ZNF185: variants seen among roughly 807,000 people sequenced by gnomAD.
The protein encoded by ZNF185 is zinc finger protein 185 with LIM domain, also known as zinc finger protein 185.
Under a neutral mutation model 58.6 loss-of-function variants are expected in ZNF185, and 56 were observed. The observed-to-expected ratio is 0.95, with a 90% CI of 0.77 to 1.19. The LOEUF is 1.19. Ranked by LOEUF, ZNF185 falls within the 50% of genes most tolerant of loss-of-function variation. The pLI, the probability that ZNF185 is intolerant of heterozygous loss-of-function variation, is 0.00. For synonymous variants in ZNF185, 230 were observed against 215.9 expected (o/e 1.07, Z -0.57); for missense variants, 627 against 573.5 (o/e 1.09, Z -0.95).
chrX:152,922,460 C>T (rs782368435), intron 10 of ZNF185, among the ~76,000 whole-genome samples: 50 of 111,694 alleles, frequency 4.5e-4, no homozygotes, highest in African/African-American at 1.6e-3. Context: ...ACAGTCCAGC[C>T]CCCCGGGAGA....
chrX:152,906,386 C>A, the ZNF185 span, among the ~76,000 whole-genome samples: 1 of 113,330 alleles, frequency 8.8e-6, no homozygotes, highest in Admixed American at 9.2e-5. Context: ...CATTAAAGCT[C>A]CTTGTCCCAG....
chrX:152,938,133 C>G, exon 15 of ZNF185: 1 of 1,185,598 alleles, frequency 8.4e-7, no homozygotes, highest in Non-Finnish European at 1.1e-6. Flanking sequence ...AGCACAGCAG[C>G]CCAGGAGGAT....
chrX:152,915,970 C>T (rs1216941619), intron 3 of ZNF185, among the ~76,000 whole-genome samples: 2 of 112,057 alleles, frequency 1.8e-5, no homozygotes, highest in African/African-American at 3.2e-5. Flanking sequence ...TTAGTAACTA[C>T]GGTCTCTCTG....
At chrX:152,910,729 G>C (rs191448014), upstream of ZNF185, among the ~76,000 whole-genome samples, 31 of 112,200 alleles carry the variant, frequency 2.8e-4, no homozygotes, top group Non-Finnish European at 2.4e-4. Context: ...GGAATTACTG[G>C]ACCAGCAGGC....
chrX:152,958,568 C>A, intron 16 of ZNF185, among the ~76,000 whole-genome samples: 1 of 110,272 alleles, frequency 9.1e-6, no homozygotes, highest in Non-Finnish European at 1.9e-5. Flanking sequence ...CCAGCCTGGC[C>A]AACAAGGTGA....
chrX:152,939,833 G>T (rs1260281481), intron 15 of ZNF185, among the ~76,000 whole-genome samples: 1 of 103,133 alleles, frequency 9.7e-6, no homozygotes, highest in Admixed American at 1.0e-4. Flanking sequence ...CCCCAGCTGG[G>T]GTGCAGTGGC....
chrX:152,941,726 G>A, intron 15 of ZNF185: 1 of 1,164,533 alleles, frequency 8.6e-7, no homozygotes, highest in Non-Finnish European at 1.1e-6. Context: ...CCCGGGACGA[G>A]CTCGGCCTCG....
At chrX:152,917,511 C>T (rs1422163873) in intron 5 of ZNF185, 149 bp downstream of exon 6, 5 of 700,506 alleles carry the variant, frequency 7.1e-6, no homozygotes, top group Non-Finnish European at 1.1e-5. Flanking sequence ...CCCTGGAGAG[C>T]AGGGTGGGGT....
chrX:152,938,515 A>G (rs1556884891), intron 15 of ZNF185, among the ~76,000 whole-genome samples: 1 of 111,620 alleles, frequency 9.0e-6, no homozygotes, highest in African/African-American at 3.3e-5. Flanking sequence ...GCTGGTCCAG[A>G]TTAGAGCAAT....
At chrX:152,922,761 T>A in exon 11 of ZNF185, 1 of 1,201,490 alleles carries the variant, frequency 8.3e-7, no homozygotes, top group Non-Finnish European at 1.1e-6. Flanking sequence ...GCAATTTGGA[T>A]CGAGTGCCTG....
At chrX:152,941,628 G>A in intron 15 of ZNF185, 4 of 1,142,396 alleles carry the variant, frequency 3.5e-6, no homozygotes, top group Non-Finnish European at 4.7e-6. Context: ...TAGTGAGTAC[G>A]CCTGCGTAGG....
Position 152,922,748 on chromosome X carries a change from CG to C in ZNF185, c.772del (p.Ala258GlnfsTer32), listed in dbSNP as rs782617912. 25 of 1,199,722 alleles carry C rather than the reference CG, an allele frequency of 2.1e-5. No homozygotes were observed. The highest frequency in any genetic ancestry group is 2.8e-5 in the Non-Finnish European group (25 of 890,050). ...GGATGGAGGCAGGACCAAAGCGTCTCGGGCAATTTGGATCGAGTGCCTGCCA... is the reference window on the plus strand; with the variant it reads ...GGATGGAGGCAGGACCAAAGCGTCTCGGCAATTTGGATCGAGTGCCTGCCA... On this transcript the variant is annotated frameshift_variant, in exon 11 of 23. Coordinates refer to ENST00000449285, the Ensembl canonical transcript of ZNF185. LOFTEE classifies it high-confidence loss of function.
At chrX:152,904,790 C>T in the ZNF185 span, among the ~76,000 whole-genome samples, 1 of 112,012 alleles carries the variant, frequency 8.9e-6, no homozygotes, top group Non-Finnish European at 1.9e-5. Context: ...TGACCTTAGC[C>T]CCCTCCCCGG....
chrX:152,914,761 T>C (rs1938036230), exon 2 of ZNF185: 1 of 1,194,929 alleles, frequency 8.4e-7, no homozygotes, highest in Non-Finnish European at 1.1e-6. Context: ...CTCAAGCAGA[T>C]GAAAGTGCGA....
chrX:152,933,290 A>C (rs1252408424), intron 14 of ZNF185, among the ~76,000 whole-genome samples: 2 of 112,541 alleles, frequency 1.8e-5, no homozygotes, highest in African/African-American at 6.5e-5. Flanking sequence ...TAGGGAATAC[A>C]TGAAGGGACA....
the ZNF185 span, among the ~76,000 whole-genome samples, chrX:152,903,407 A>G: frequency 4.1e-4 from 44 of 107,115 alleles, no homozygotes; most frequent in Non-Finnish European, 6.2e-4. Flanking sequence ...AAAAAAAAAA[A>G]AAAAAAAAGA....
At chrX:152,949,469 G>A (rs2048086502) in intron 16 of ZNF185, among the ~76,000 whole-genome samples, 1 of 112,409 alleles carries the variant, frequency 8.9e-6, no homozygotes, top group Admixed American at 9.4e-5. Context: ...CTTTGGGTCT[G>A]GTCACTGGCA....
upstream of ZNF185, among the ~76,000 whole-genome samples, chrX:152,909,904 C>CTTTTTT (rs1223634856): frequency 1.1e-5 from 1 of 90,230 alleles, no homozygotes; most frequent in Non-Finnish European, 2.1e-5. Context: ...GGCATCAACT[C>CTTTTTT]TTTTTTTTTT....
intron 16 of ZNF185, among the ~76,000 whole-genome samples, chrX:152,950,744 T>G (rs781785930): frequency 8.9e-6 from 1 of 112,025 alleles, no homozygotes; most frequent in South Asian, 3.7e-4. Context: ...ATATTTAAGT[T>G]TTGATTGTGG....
Sources: gnomAD v4.1 joint callset for allele counts (sites outside exome capture counted in the v4.1 genomes callset) on GRCh38, gnomAD v4.1.1 for gene constraint, MANE v1.5 for transcripts, NCBI Gene and HGNC (gene_info 2026-07-23, HGNC 2026-07-21) for gene names.